Variants in AGBL1 observed in about 807,000 individuals in gnomAD.
AGBL1 encodes cytosolic carboxypeptidase 4.
Under a neutral mutation model 118.9 loss-of-function variants are expected in AGBL1, and 130 were observed. That is an observed-to-expected ratio of 1.09 (90% CI 0.95 to 1.26). The LOEUF is 1.26. Ranked by LOEUF, AGBL1 falls within the 50% of genes most tolerant of loss-of-function variation. The probability of loss-of-function intolerance (pLI) is 0.00; values close to 1 mark genes in which losing one functional copy is unlikely to be tolerated. For synonymous variants in AGBL1, 555 were observed against 478.9 expected (o/e 1.16, Z -2.08); for missense variants, 1,584 against 1,298.1 (o/e 1.22, Z -3.38).
At chr15:86,304,048 TC>T (rs2079797591) in intron 17 of AGBL1, among the ~76,000 whole-genome samples, 1 of 152,064 alleles carries the variant, frequency 6.6e-6, no homozygotes, top group Non-Finnish European at 1.5e-5. Flanking sequence ...TGAGGGAAAA[TC>T]CTTTACCTTC....
At chr15:86,119,867 C>A (rs183160062) in intron 1 of AGBL1, among the ~76,000 whole-genome samples, 1 of 152,204 alleles carries the variant, frequency 6.6e-6, no homozygotes, top group African/African-American at 2.4e-5. Flanking sequence ...TAGAAAGATT[C>A]GAGTGGTGCC....
At chr15:86,518,942 C>G (rs1110287) in intron 18 of AGBL1, among the ~76,000 whole-genome samples, 2 of 150,578 alleles carry the variant, frequency 1.3e-5, no homozygotes, top group Non-Finnish European at 2.9e-5. Flanking sequence ...TATTTAGTGC[C>G]TATAAACTTT....
At chr15:86,196,636 C>T (rs535982372) in intron 5 of AGBL1, among the ~76,000 whole-genome samples, 1 of 152,102 alleles carries the variant, frequency 6.6e-6, no homozygotes, top group Admixed American at 6.6e-5. Context: ...TCACTAACAA[C>T]GTTTTCTAAA....
At chr15:86,776,420 C>G (rs2078255934) in intron 22 of AGBL1, among the ~76,000 whole-genome samples, 1 of 151,912 alleles carries the variant, frequency 6.6e-6, no homozygotes, top group Non-Finnish European at 1.5e-5. Flanking sequence ...GAGCTCAACC[C>G]CTCATATTTT....
intron 17 of AGBL1, among the ~76,000 whole-genome samples, chr15:86,300,505 A>G (rs769401068): frequency 6.6e-6 from 1 of 152,210 alleles, no homozygotes; most frequent in Non-Finnish European, 1.5e-5. Flanking sequence ...TCTCTAAATG[A>G]ATAGTCACAG....
At position 86,773,222 on chromosome 15, in the gene AGBL1, A is replaced by G. The variant is rs117016290; in HGVS notation, c.3158+98786A>G. 5.1e-3 allele frequency among the ~76,000 whole-genome samples: 781 copies of G among 152,164 alleles called. 4 individuals are homozygous for G. Among genetic ancestry groups the G allele is most frequent in the Middle Eastern group, 0.01 (3 of 294 alleles). ...TGAGAAACGAACTATCCAGGTGGGGAAAAAGACTTGCAAAAAGAATATTTG... is the reference window on the plus strand; with the variant it reads ...TGAGAAACGAACTATCCAGGTGGGGGAAAAGACTTGCAAAAAGAATATTTG... On this transcript the variant is annotated intron_variant, in intron 22 of 22. Coordinates refer to ENST00000614907, the MANE Select transcript of AGBL1 (RefSeq NM_001386094.1).
chr15:86,236,954 G>T (rs1252282034), intron 6 of AGBL1, among the ~76,000 whole-genome samples: 9 of 118,600 alleles, frequency 7.6e-5, no homozygotes, highest in South Asian at 3.4e-4. Context: ...GGGGGGGGCG[G>T]GGGGGCGCCA....
At chr15:86,257,892 G>C in intron 8 of AGBL1, 72 bp from the exon 9 acceptor site, 1 of 1,464,504 alleles carries the variant, frequency 6.8e-7, no homozygotes, top group South Asian at 1.2e-5. Flanking sequence ...ACCACTGTAT[G>C]GTGAAAATCT....
At chr15:86,825,630 AAAGG>A (rs1052679923) in intron 22 of AGBL1, among the ~76,000 whole-genome samples, 11 of 147,832 alleles carry the variant, frequency 7.4e-5, no homozygotes, top group Non-Finnish European at 1.6e-4. Flanking sequence ...GAAAATAAAA[AAAGG>A]AAGGAAGGAA....
intron 18 of AGBL1, among the ~76,000 whole-genome samples, chr15:86,458,274 A>C (rs1425149473): frequency 3.9e-5 from 6 of 152,214 alleles, no homozygotes; most frequent in African/African-American, 1.4e-4. Context: ...AATAACTATA[A>C]TAATTTTATT....
intron 17 of AGBL1, among the ~76,000 whole-genome samples, chr15:86,315,252 G>C (rs1228609350): frequency 6.6e-6 from 1 of 152,160 alleles, no homozygotes; most frequent in South Asian, 2.1e-4. Context: ...TATAGCTCAG[G>C]TGTAGGTATT....
intron 23 of AGBL1, among the ~76,000 whole-genome samples, chr15:86,937,740 A>G (rs2080693873): frequency 6.6e-6 from 1 of 152,050 alleles, no homozygotes; most frequent in Non-Finnish European, 1.5e-5. Context: ...TGTACAACAA[A>G]CCCCCATGAC....
At chr15:86,312,240 G>A (rs779822909) in intron 17 of AGBL1, 14 of 152,346 alleles carry the variant, frequency 9.2e-5, no homozygotes, top group Admixed American at 2.0e-4. Context: ...TGTGAATGAT[G>A]TGGCAATTTC....
chr15:86,339,821 G>C (rs35838547), intron 17 of AGBL1, among the ~76,000 whole-genome samples: 1 of 152,042 alleles, frequency 6.6e-6, no homozygotes, highest in Non-Finnish European at 1.5e-5. Flanking sequence ...ACAAAAATTA[G>C]CTGGGCGTAG....
intron 23 of AGBL1, among the ~76,000 whole-genome samples, chr15:86,966,304 C>G (rs2081052263): frequency 6.8e-6 from 1 of 146,162 alleles, no homozygotes; most frequent in South Asian, 2.2e-4. Flanking sequence ...TAACAGAAAT[C>G]CTCATTCTTT....
In AGBL1 at chr15:86,270,011, T is replaced by A; in HGVS notation, c.1931T>A (p.Ile644Asn). 1 of 1,613,488 alleles carries A rather than the reference T, an allele frequency of 6.2e-7. No individual in the cohort carries two copies. ...YFKVSGMQAA[I>N]PYHFNIINCE... ...AAAGTGAGCGGTATGCAGGCGGCCA[T>A]CCCTTACCACTTCAACATCATCAAC... Residue 644 changes from isoleucine to asparagine, a missense_variant, in exon 14 of 23, where the codon ATC (isoleucine) becomes AAC (asparagine). Coordinates refer to ENST00000614907, the MANE Select transcript of AGBL1 (RefSeq NM_001386094.1).
At chr15:86,952,534 G>A (rs1321438186) in intron 23 of AGBL1, among the ~76,000 whole-genome samples, 2 of 152,006 alleles carry the variant, frequency 1.3e-5, no homozygotes, top group East Asian at 1.9e-4. Context: ...AAATGAGGTT[G>A]TTTCTTTCTT....
chr15:86,542,031 C>G (rs942623847), intron 19 of AGBL1, among the ~76,000 whole-genome samples: 46 of 152,172 alleles, frequency 3.0e-4, no homozygotes, highest in Admixed American at 2.9e-3. Context: ...AGTATACAAT[C>G]TAGAGGTTCT....
At chr15:86,463,951 A>G (rs886374283) in intron 18 of AGBL1, among the ~76,000 whole-genome samples, 2 of 152,074 alleles carry the variant, frequency 1.3e-5, no homozygotes, top group African/African-American at 4.8e-5. Flanking sequence ...ATGAAATTTA[A>G]AGTAGTTTTT....
Sources: gnomAD v4.1 joint callset for allele counts (sites outside exome capture counted in the v4.1 genomes callset) on GRCh38, gnomAD v4.1.1 for gene constraint, MANE v1.5 for transcripts, NCBI Gene and HGNC (gene_info 2026-07-23, HGNC 2026-07-21) for gene names.